The following SOX6 variants were observed in gnomAD, a reference collection of about 807,000 sequenced individuals.
SOX6 encodes the protein transcription factor SOX-6.
Under a neutral mutation model 97.8 loss-of-function variants are expected in SOX6, and 11 were observed. That is an observed-to-expected ratio of 0.11 (90% CI 0.07 to 0.19). The LOEUF (loss-of-function observed/expected upper bound fraction) is 0.19, where lower values mean the gene tolerates loss of function less well. Ranked by LOEUF, SOX6 falls within the 10% of genes least tolerant of loss-of-function variation. The pLI, the probability that SOX6 is intolerant of heterozygous loss-of-function variation, is 1.00. For synonymous variants in SOX6, 360 were observed against 371.4 expected (o/e 0.97, Z 0.35); for missense variants, 810 against 1,039.5 (o/e 0.78, Z 3.04).
chr11:16,354,808 T>C (rs1857033324), intron 1 of SOX6, among the ~76,000 whole-genome samples: 1 of 152,050 alleles, frequency 6.6e-6, no homozygotes, highest in Non-Finnish European at 1.5e-5. Flanking sequence ...CCCTATCCTA[T>C]GAAATACATG....
In SOX6 at chr11:16,183,939, G is replaced by T; in HGVS notation, c.724C>A (p.Gln242Lys). 1 of 1,612,288 alleles carries T rather than the reference G, an allele frequency of 6.2e-7. No individual in the cohort carries two copies. The highest frequency in any genetic ancestry group is 8.5e-7 in the Non-Finnish European group (1 of 1,178,728). Residue 242 changes from glutamine (Q) to lysine (K), a missense_variant, in exon 6 of 16, where the codon CAG (glutamine) becomes AAG (lysine). Physicochemically the swap from Gln to Lys is moderately conservative, Grantham distance 53 (BLOSUM62 1). Around this residue, in one of 9 missense-constraint regions of SOX6, gnomAD observed 110 missense variants for 119.0 expected, o/e 0.92. Transcript: ENST00000683767. ...TTGTGCTGCTGTTGCAGAAGTTGCT[G>T]CTGTTGTCTCGCAATCTATCAGAAA... The part of the protein sequence containing the change: ...QQQEQIARQQ[Q>K]QLLQQQHKIN...
At chr11:16,218,430 T>G (rs1440556744) in intron 4 of SOX6, among the ~76,000 whole-genome samples, 3 of 152,142 alleles carry the variant, frequency 2.0e-5, no homozygotes, top group Non-Finnish European at 4.4e-5. Flanking sequence ...CTTAACATTT[T>G]AAAATTCCTG....
At chr11:16,586,944 G>A (rs1390518310) in intron 4 of SOX6, among the ~76,000 whole-genome samples, 2 of 152,190 alleles carry the variant, frequency 1.3e-5, no homozygotes, top group African/African-American at 2.4e-5. Flanking sequence ...ACTATGACAT[G>A]AGAATTGTGT....
At chr11:16,249,845 T>G (rs961445212) in intron 3 of SOX6, among the ~76,000 whole-genome samples, 13 of 152,194 alleles carry the variant, frequency 8.5e-5, no homozygotes, top group African/African-American at 3.1e-4. Context: ...TGATCAAGTG[T>G]TCTCATTGTT....
At chr11:16,673,318 CG>C (rs1442617652) in intron 3 of SOX6, among the ~76,000 whole-genome samples, 1 of 151,876 alleles carries the variant, frequency 6.6e-6, no homozygotes, top group Non-Finnish European at 1.5e-5. Context: ...TGAAACAAAA[CG>C]TTGTCTTTTT....
At chr11:16,436,871 T>C (rs2133081703) in intron 1 of SOX6, among the ~76,000 whole-genome samples, 1 of 152,258 alleles carries the variant, frequency 6.6e-6, no homozygotes, top group East Asian at 1.9e-4. Context: ...TCCACTGTGT[T>C]CTGTCCCCAA....
At chr11:16,102,323 A>C (rs959484199) in intron 7 of SOX6, among the ~76,000 whole-genome samples, 8 of 151,794 alleles carry the variant, frequency 5.3e-5, no homozygotes, top group African/African-American at 1.9e-4. Flanking sequence ...ACCTAACTAA[A>C]GATGTGAAAG....
chr11:16,030,571 G>C (rs1397919852), intron 12 of SOX6, among the ~76,000 whole-genome samples: 2 of 152,078 alleles, frequency 1.3e-5, no homozygotes, highest in Non-Finnish European at 2.9e-5. Flanking sequence ...ATATAAACTT[G>C]AGGAAATGAT....
rs1017344192 is a variant in SOX6 at position 16,138,792 on chromosome 11, C to T, written c.778-26869G>A. On this transcript the variant is annotated intron_variant, in intron 6 of 15. Transcript: ENST00000683767. ...TTCAATTCCCACCTATGAGTGAGAA[C>T]ATGCGGTGTTTGGTTTTTTGTCCTT... 2.0e-5 allele frequency among the ~76,000 whole-genome samples: 3 copies of T among 151,410 alleles called. No individual in the cohort carries two copies. In the South Asian group the frequency reaches 6.2e-4, roughly 31 times the overall value.
At chr11:16,232,976 A>G (rs1852904596) in intron 4 of SOX6, among the ~76,000 whole-genome samples, 1 of 152,150 alleles carries the variant, frequency 6.6e-6, no homozygotes, top group Admixed American at 6.5e-5. Context: ...ACTGGTTTCG[A>G]TACATAATTA....
At chr11:16,378,044 T>A (rs77459028) in intron 1 of SOX6, among the ~76,000 whole-genome samples, 3,761 of 152,262 alleles carry the variant, frequency 0.025, 137 homozygotes, top group African/African-American at 0.078. Flanking sequence ...GTCATCATAA[T>A]AATGTTCAAA....
At chr11:16,156,659 C>G (rs1202070909) in intron 6 of SOX6, among the ~76,000 whole-genome samples, 8 of 151,906 alleles carry the variant, frequency 5.3e-5, no homozygotes, top group Admixed American at 5.3e-4. Flanking sequence ...TCCCCTTGCT[C>G]TTTCTACTCC....
intron 4 of SOX6, among the ~76,000 whole-genome samples, chr11:16,604,370 G>T (rs763595945): frequency 6.6e-6 from 1 of 152,162 alleles, no homozygotes; most frequent in Non-Finnish European, 1.5e-5. Flanking sequence ...TGTTCTCCTC[G>T]GGACCCGGGG....
intron 15 of SOX6, among the ~76,000 whole-genome samples, chr11:15,977,240 C>T (rs983721999): frequency 1.2e-4 from 18 of 152,022 alleles, no homozygotes; most frequent in East Asian, 1.9e-4. Flanking sequence ...TTCCAACACC[C>T]GACTATCTCA....
intron 4 of SOX6, among the ~76,000 whole-genome samples, chr11:16,557,373 T>G (rs561430459): frequency 1.3e-5 from 2 of 151,970 alleles, no homozygotes; most frequent in Middle Eastern, 3.4e-3. Context: ...CTCTAGAAAA[T>G]GTACTCCACA....
At chr11:16,449,152 G>A (rs773143735) in intron 1 of SOX6, among the ~76,000 whole-genome samples, 1 of 152,026 alleles carries the variant, frequency 6.6e-6, no homozygotes, top group East Asian at 1.9e-4. Context: ...GGCATAGGGT[G>A]GTAGAGTAAG....
chr11:16,569,226 A>C (rs1277104526), intron 4 of SOX6, among the ~76,000 whole-genome samples: 1 of 152,206 alleles, frequency 6.6e-6, no homozygotes, highest in Non-Finnish European at 1.5e-5. Context: ...CAATCATTTA[A>C]ATTTTTAAAT....
At chr11:16,283,089 G>GTATATA (rs10581083) in intron 3 of SOX6, among the ~76,000 whole-genome samples, 20,019 of 113,394 alleles carry the variant, frequency 0.18, 2,330 homozygotes, top group South Asian at 0.22. Context: ...TATATAATTT[G>GTATATA]TATATATATA....
intron 9 of SOX6, among the ~76,000 whole-genome samples, chr11:16,080,258 TAAAA>T (rs11354992): frequency 9.4e-6 from 1 of 106,140 alleles, no homozygotes. Flanking sequence ...TTAAGAAAAC[TAAAA>T]AAAAAAAAAA....
Sources: allele counts gnomAD v4.1 joint callset (sites outside exome capture counted in the v4.1 genomes callset), GRCh38; gene constraint gnomAD v4.1.1; regional missense constraint gnomAD v4.1.1; transcripts MANE v1.5; gene names NCBI Gene and HGNC (gene_info 2026-07-23, HGNC 2026-07-21).